The following RAD51C variants were observed in gnomAD, a reference collection of about 807,000 sequenced individuals.
RAD51C encodes the protein DNA repair protein RAD51 homolog 3.
A neutral mutation model predicts 45.0 loss-of-function variants in RAD51C; 42 were observed. That is an observed-to-expected ratio of 0.93 (90% confidence interval 0.73 to 1.21). RAD51C has a LOEUF of 1.21. RAD51C is among the 50% of genes most tolerant of loss of function. The pLI is 0.00. For synonymous variants in RAD51C, 172 were observed against 159.8 expected, an observed-to-expected ratio of 1.08 and a Z score of -0.58; for missense variants, 474 against 452.2, an observed-to-expected ratio of 1.05 and a Z score of -0.44.
chr17:58,693,802 A>T (rs1246864116), intron 1 of RAD51C: 1 of 152,222 alleles, frequency 6.6e-6, no homozygotes, highest in Non-Finnish European at 1.5e-5. Context: ...AACTTGCCCA[A>T]AGTCATGCAG....
intron 1 of RAD51C, chr17:58,693,547 T>G (rs1407719224): frequency 1.3e-5 from 2 of 152,252 alleles, no homozygotes; most frequent in Non-Finnish European, 2.9e-5. Context: ...ATAAGTCTCG[T>G]GGACCCAGCC....
intron 5 of RAD51C, among the ~76,000 whole-genome samples, chr17:58,714,284 C>CT (rs994465442): frequency 6.6e-6 from 1 of 151,766 alleles, no homozygotes; most frequent in African/African-American, 2.4e-5. Context: ...CACAGCTAGT[C>CT]TAGAATAAAT....
At chr17:58,702,106 T>C (rs2048231021) in intron 3 of RAD51C, among the ~76,000 whole-genome samples, 1 of 151,800 alleles carries the variant, frequency 6.6e-6, no homozygotes, top group South Asian at 2.1e-4. Context: ...AGCAATCCTC[T>C]CACCTTAACC....
chr17:58,711,333 T>C (rs1336468662), intron 5 of RAD51C, among the ~76,000 whole-genome samples: 2 of 152,162 alleles, frequency 1.3e-5, no homozygotes, highest in African/African-American at 4.8e-5. Context: ...ATATATGTTA[T>C]TGAGTGAAGA....
intron 6 of RAD51C, 100 bp downstream of exon 6, chr17:58,720,912 G>T: frequency 2.0e-6 from 2 of 978,482 alleles, no homozygotes; most frequent in Non-Finnish European, 1.6e-6. Flanking sequence ...AAAGCAGACT[G>T]TATTTGTCTT....
intron 5 of RAD51C, among the ~76,000 whole-genome samples, chr17:58,716,711 C>G (rs1048967668): frequency 6.6e-6 from 1 of 151,624 alleles, no homozygotes; most frequent in Non-Finnish European, 1.5e-5. Context: ...ATCCTCCCAC[C>G]TCTGCCTCCC....
At chr17:58,720,907 A>G (rs2048898223) in intron 6 of RAD51C, 95 bp downstream of exon 6, 1 of 1,023,362 alleles carries the variant, frequency 9.8e-7, no homozygotes, top group Admixed American at 1.9e-5. Flanking sequence ...TCATGAAAGC[A>G]GACTGTATTT....
In RAD51C at chr17:58,695,083, A is replaced by G; in HGVS notation, c.298A>G (p.Ile100Val). ...LLEQEHTQGF[I>V]ITFCSALDDI... ...TGAGCAGGAGCATACCCAGGGCTTC[A>G]TAATCACCTTCTGTTCAGCACTAGA... Residue 100 changes from isoleucine (I) to valine (V), a missense_variant, in exon 2 of 9, where the codon ATA (isoleucine) becomes GTA (valine). Transcript: ENST00000337432. 1 of 1,614,180 alleles carries G rather than the reference A, an allele frequency of 6.2e-7. No homozygotes were observed. Among genetic ancestry groups the G allele is most frequent in the East Asian group, 2.2e-5 (1 of 44,866 alleles).
intron 4 of RAD51C, among the ~76,000 whole-genome samples, chr17:58,704,256 G>T (rs1238860444): frequency 6.6e-6 from 1 of 151,354 alleles, no homozygotes; most frequent in Non-Finnish European, 1.5e-5. Context: ...TAAATCCTTG[G>T]CTTGCCTTTA....
intron 7 of RAD51C, among the ~76,000 whole-genome samples, chr17:58,727,186 G>A (rs1005294776): frequency 2.7e-5 from 4 of 149,576 alleles, no homozygotes; most frequent in South Asian, 2.1e-4. Flanking sequence ...GTGCAATGGC[G>A]AGATCTTGGC....
At chr17:58,733,296 G>T (rs897717147) in intron 8 of RAD51C, among the ~76,000 whole-genome samples, 1 of 152,144 alleles carries the variant, frequency 6.6e-6, no homozygotes, top group South Asian at 2.1e-4. Context: ...GATTACAGGC[G>T]TGAGCCACCG....
chr17:58,734,072 C>T (rs2144059435), intron 8 of RAD51C, 46 bp from the exon 9 acceptor site: 1 of 1,573,758 alleles, frequency 6.4e-7, no homozygotes. Flanking sequence ...GATCAGTCTT[C>T]AAATGTTCTT....
At chr17:58,731,728 T>G (rs903349933) in intron 7 of RAD51C, among the ~76,000 whole-genome samples, 1 of 152,158 alleles carries the variant, frequency 6.6e-6, no homozygotes, top group Non-Finnish European at 1.5e-5. Context: ...CTGTCATGAC[T>G]TATTTTTGGG....
At chr17:58,702,269 G>A (rs2048236616) in intron 3 of RAD51C, among the ~76,000 whole-genome samples, 1 of 152,046 alleles carries the variant, frequency 6.6e-6, no homozygotes, top group South Asian at 2.1e-4. Flanking sequence ...CTTCCATTAT[G>A]TTACTTCTGT....
At chr17:58,717,343 T>C (rs1050235245) in intron 5 of RAD51C, among the ~76,000 whole-genome samples, 8 of 152,114 alleles carry the variant, frequency 5.3e-5, no homozygotes, top group South Asian at 4.1e-4. Context: ...GGCAGGAAGA[T>C]TGTTTGAGTC....
Position 58,695,010 on chromosome 17 carries a change from T to C in RAD51C, c.225T>C (p.Tyr75=), listed in dbSNP as rs1555593553. The C allele has an allele frequency of 1.2e-6, 2 of 1,614,106 alleles. No homozygotes were observed. The highest frequency in any genetic ancestry group is 2.2e-5 in the East Asian group (1 of 44,876). ...AATGTCTCACAAATAAACCAAGATA[T>C]GCTGGTACATCTGAGTCACACAAGA... The part of the protein sequence containing the change: ...RRECLTNKPR[Y]AGTSESHKKC... The change falls in exon 2 of 9, where the codon TAT becomes TAC. Residue 75 remains tyrosine (Y), a synonymous_variant. Coordinates refer to ENST00000337432, the MANE Select transcript of RAD51C (RefSeq NM_058216.3).
chr17:58,704,909 A>C (rs2048326436), intron 4 of RAD51C, among the ~76,000 whole-genome samples: 1 of 151,610 alleles, frequency 6.6e-6, no homozygotes, highest in African/African-American at 2.4e-5. Flanking sequence ...TTAATTAATT[A>C]ATTAATTTTT....
intron 6 of RAD51C, among the ~76,000 whole-genome samples, chr17:58,721,710 G>A (rs996832610): frequency 1.3e-5 from 2 of 151,990 alleles, no homozygotes; most frequent in Non-Finnish European, 2.9e-5. Flanking sequence ...AGTAAGCCAC[G>A]GTCGCGCCAT....
intron 2 of RAD51C, 87 bp downstream of exon 2, chr17:58,695,276 A>C (rs1332865353): frequency 3.5e-5 from 52 of 1,499,238 alleles, no homozygotes; most frequent in Non-Finnish European, 4.5e-5. Context: ...AAACCAAATA[A>C]GATATATATG....
Sources: allele counts gnomAD v4.1 joint callset (sites outside exome capture counted in the v4.1 genomes callset), GRCh38; gene constraint gnomAD v4.1.1; transcripts MANE v1.5; gene names NCBI Gene and HGNC (gene_info 2026-07-23, HGNC 2026-07-21).